Variants in PAM observed in about 807,000 individuals in gnomAD.
PAM encodes peptidylglycine alpha-amidating monooxygenase, also known as peptidyl-glycine alpha-amidating monooxygenase.
Under a neutral mutation model 122.1 loss-of-function variants are expected in PAM, and 72 were observed. The observed-to-expected ratio is 0.59, with a 90% confidence interval of 0.49 to 0.72. PAM has a LOEUF of 0.72. Ranked by LOEUF, PAM falls within the 30% of genes least tolerant of loss-of-function variation. The pLI is 0.00. For synonymous variants in PAM, 389 were observed against 404.4 expected (o/e 0.96, Z 0.46); for missense variants, 1,106 against 1,183.7 (o/e 0.93, Z 0.96).
At chr5:102,882,375 A>G (rs1004978897) in intron 3 of PAM, among the ~76,000 whole-genome samples, 11 of 151,468 alleles carry the variant, frequency 7.3e-5, no homozygotes, top group African/African-American at 2.4e-4. Context: ...CCACATCCAC[A>G]CCAACATCTA....
chr5:102,893,976 G>GT (rs1795461375), intron 3 of PAM, among the ~76,000 whole-genome samples: 1 of 151,544 alleles, frequency 6.6e-6, no homozygotes, highest in Non-Finnish European at 1.5e-5. Flanking sequence ...TTCCCTTGAT[G>GT]TTTTGTCTTT....
At chr5:102,990,868 G>C (rs1027163317) in intron 16 of PAM, among the ~76,000 whole-genome samples, 2 of 152,152 alleles carry the variant, frequency 1.3e-5, no homozygotes, top group Admixed American at 1.3e-4. Context: ...GTGTGGTTGG[G>C]GCAGTTTGGC....
At chr5:102,789,319 G>A (rs960066836) in intron 1 of PAM, among the ~76,000 whole-genome samples, 3 of 152,058 alleles carry the variant, frequency 2.0e-5, no homozygotes, top group Non-Finnish European at 2.9e-5. Flanking sequence ...GCAGAGACTC[G>A]AATAGACATT....
intron 15 of PAM, among the ~76,000 whole-genome samples, chr5:102,979,922 A>C (rs1037749305): frequency 1.3e-5 from 2 of 152,034 alleles, no homozygotes; most frequent in Non-Finnish European, 2.9e-5. Flanking sequence ...TAATTTATTT[A>C]TCATAAAAAG....
chr5:102,805,391 G>C (rs1765955533), intron 1 of PAM, among the ~76,000 whole-genome samples: 1 of 152,032 alleles, frequency 6.6e-6, no homozygotes, highest in African/African-American at 2.4e-5. Context: ...TCTAACTACT[G>C]TTTTCTTTCA....
At chr5:102,783,894 T>C (rs1759726910) in intron 1 of PAM, among the ~76,000 whole-genome samples, 1 of 151,508 alleles carries the variant, frequency 6.6e-6, no homozygotes, top group African/African-American at 2.4e-5. Context: ...CTTCATGATC[T>C]ACCCCCATCT....
intron 1 of PAM, among the ~76,000 whole-genome samples, chr5:102,756,118 T>C (rs1320254918): frequency 1.3e-5 from 2 of 151,976 alleles, no homozygotes; most frequent in Non-Finnish European, 2.9e-5. Flanking sequence ...CCGCTGAGGG[T>C]AGTTGTGGGG....
intron 1 of PAM, among the ~76,000 whole-genome samples, chr5:102,850,373 G>C (rs969397208): frequency 3.3e-5 from 5 of 152,206 alleles, no homozygotes; most frequent in African/African-American, 9.7e-5. Flanking sequence ...CCCCCATCCT[G>C]CTGAGTAGTT....
intron 1 of PAM, among the ~76,000 whole-genome samples, chr5:102,846,967 C>T (rs1304274663): frequency 1.3e-5 from 2 of 152,138 alleles, no homozygotes; most frequent in African/African-American, 4.8e-5. Context: ...GTCAAGTGGA[C>T]AATTAGCTAT....
chr5:102,897,283 CAG>C (rs1269757327), intron 3 of PAM, among the ~76,000 whole-genome samples: 6 of 151,696 alleles, frequency 4.0e-5, no homozygotes, highest in Admixed American at 2.6e-4. Flanking sequence ...TGTACACAAT[CAG>C]GGGTTGGTAT....
intron 1 of PAM, among the ~76,000 whole-genome samples, chr5:102,854,268 C>T (rs1244078163): frequency 6.6e-6 from 1 of 152,202 alleles, no homozygotes. Context: ...TTATTAATAG[C>T]GTCATTATAA....
chr5:102,798,778 A>G (rs11950531), intron 1 of PAM, among the ~76,000 whole-genome samples: 2,179 of 152,270 alleles, frequency 0.014, 47 homozygotes, highest in African/African-American at 0.05. Context: ...CCTCTCACAG[A>G]AAAAAGATAG....
At chr5:102,755,668 G>T (rs1300190607) in intron 1 of PAM, among the ~76,000 whole-genome samples, 1 of 151,866 alleles carries the variant, frequency 6.6e-6, no homozygotes, top group East Asian at 2.0e-4. Context: ...TCTCACCTCC[G>T]CACTTCTCCT....
Position 103,007,636 on chromosome 5 carries a change from T to G in PAM, c.2194T>G (p.Phe732Val). The change falls in exon 20 of 26, where the codon TTT becomes GTT. Residue 732 changes from phenylalanine (F) to valine (V), a missense_variant. This residue lies in a region of PAM where 333 missense variants were observed against 335.6 expected (regional missense o/e 0.99). Coordinates refer to ENST00000438793, the MANE Select transcript of PAM (RefSeq NM_001177306.2). ...GCATTCATCATTTGGAAGAAATGTA[T>G]TTGCAATTTCATATATACCAGGTAT... ...IKHSSFGRNV[F>V]AISYIPGLLF... 6.2e-7 allele frequency: 1 copy of G among 1,608,620 alleles called. No individual in the cohort carries two copies. The highest frequency in any genetic ancestry group is 8.5e-7 in the Non-Finnish European group (1 of 1,175,070).
intron 1 of PAM, among the ~76,000 whole-genome samples, chr5:102,861,531 A>C (rs1337537922): frequency 1.3e-5 from 2 of 152,162 alleles, no homozygotes; most frequent in Non-Finnish European, 2.9e-5. Flanking sequence ...GGAGTGAAGC[A>C]GACTGGAGAT....
intron 1 of PAM, chr5:102,808,122 T>G (rs1355964871): frequency 6.6e-6 from 1 of 152,212 alleles, no homozygotes; most frequent in Non-Finnish European, 1.5e-5. Context: ...TCAGTATGCA[T>G]ACAGGGGTTG....
At chr5:103,024,608 A>G (rs1784451075) in intron 23 of PAM, among the ~76,000 whole-genome samples, 1 of 152,210 alleles carries the variant, frequency 6.6e-6, no homozygotes, top group Non-Finnish European at 1.5e-5. Context: ...CAAGGAAACA[A>G]ACACTTATTA....
intron 14 of PAM, among the ~76,000 whole-genome samples, chr5:102,970,038 A>G (rs1015520143): frequency 4.6e-5 from 7 of 152,188 alleles, no homozygotes; most frequent in Non-Finnish European, 7.3e-5. Flanking sequence ...GGGAACTTTC[A>G]ACAGGGCTAC....
chr5:102,955,336 C>G (rs1760365283), intron 12 of PAM, among the ~76,000 whole-genome samples: 1 of 151,874 alleles, frequency 6.6e-6, no homozygotes, highest in Non-Finnish European at 1.5e-5. Flanking sequence ...GATGGATAAA[C>G]AGATATGGAT....
Sources: allele counts gnomAD v4.1 joint callset (sites outside exome capture counted in the v4.1 genomes callset), GRCh38; gene constraint gnomAD v4.1.1; regional missense constraint gnomAD v4.1.1; transcripts MANE v1.5; gene names NCBI Gene and HGNC (gene_info 2026-07-23, HGNC 2026-07-21).